RBM20: variants seen among roughly 807,000 people sequenced by gnomAD.
The protein encoded by RBM20 is RNA binding motif protein 20, also known as RNA-binding protein 20.
RBM20 carries 51 observed loss-of-function variants against 110.1 expected under a neutral mutation model. The observed-to-expected ratio is 0.46, with a 90% CI of 0.37 to 0.59. RBM20 has a LOEUF of 0.59. Among genes scored for constraint, RBM20 ranks in the 20% least tolerant of loss-of-function variants. The pLI is 0.00. For missense variants in RBM20, 1,512 were observed against 1,574.9 expected, an observed-to-expected ratio of 0.96 and a Z score of 0.68; for synonymous variants, 589 against 618.2, an observed-to-expected ratio of 0.95 and a Z score of 0.70.
intron 1 of RBM20, among the ~76,000 whole-genome samples, chr10:110,767,855 A>C (rs1306268497): frequency 6.6e-6 from 1 of 151,392 alleles, no homozygotes; most frequent in East Asian, 2.0e-4. Context: ...CTGGGCAGCC[A>C]GGCAGAGGGG....
rs1221111782 is a variant in RBM20, at chr10:110,734,656, C to T, written c.192-46145C>T. Among the ~76,000 whole-genome samples, 4 of 146,778 alleles carry T rather than the reference C, an allele frequency of 2.7e-5. No individual in the cohort carries two copies. The South Asian group carries it at 8.7e-4, about 32-fold the overall frequency. On this transcript the variant is annotated intron_variant, in intron 1 of 13. Transcript: ENST00000369519. ...TTTTTTGAGAGTGTCCTTAGTATAC[C>T]CAGACCCCCCAACCCATTGAGGTCA...
At chr10:110,800,682 A>G (rs1172272870) in intron 7 of RBM20, among the ~76,000 whole-genome samples, 3 of 152,330 alleles carry the variant, frequency 2.0e-5, no homozygotes, top group South Asian at 2.1e-4. Flanking sequence ...CCTGACTTCA[A>G]TGATAATCAT....
At chr10:110,782,936 G>C (rs1345976792) in intron 2 of RBM20, among the ~76,000 whole-genome samples, 1 of 151,994 alleles carries the variant, frequency 6.6e-6, no homozygotes, top group Non-Finnish European at 1.5e-5. Context: ...CAAGGATTTT[G>C]TCTCTCATGA....
intron 12 of RBM20, among the ~76,000 whole-genome samples, chr10:110,825,095 A>C (rs1004511435): frequency 7.9e-5 from 12 of 152,124 alleles, no homozygotes; most frequent in Non-Finnish European, 1.8e-4. Context: ...CAAGACAAAA[A>C]CATAAGAAAG....
In RBM20 at chr10:110,836,356, G is replaced by C. The variant is rs1452844593; in HGVS notation, c.*378G>C. On this transcript the variant is annotated 3_prime_UTR_variant, in exon 14 of 14. Coordinates refer to ENST00000369519, the MANE Select transcript of RBM20 (RefSeq NM_001134363.3). ...GATTTTCACAGTGTTTAAATTCTTG[G>C]TAGGATATAACAGGTCAGGCCTAGC... 3 of 159,716 alleles carry C rather than the reference G, an allele frequency of 1.9e-5. No homozygotes were observed. Among genetic ancestry groups the C allele is most frequent in the Admixed American group, 6.4e-5 (1 of 15,686 alleles). 9.9% of individuals were successfully genotyped at this position (159,716 alleles called of 1,614,324 possible).
At chr10:110,643,827 G>A (rs930273621), upstream of RBM20, among the ~76,000 whole-genome samples, 2 of 152,208 alleles carry the variant, frequency 1.3e-5, no homozygotes, top group Non-Finnish European at 2.9e-5. Flanking sequence ...GGTGCCTCAA[G>A]AGCCAGTGGC....
chr10:110,708,763 A>C (rs1862878864), intron 1 of RBM20, among the ~76,000 whole-genome samples: 1 of 152,302 alleles, frequency 6.6e-6, no homozygotes, highest in South Asian at 2.1e-4. Flanking sequence ...AAGTCTGTTC[A>C]TTGTTTCCCA....
chr10:110,797,550 A>G lies in RBM20; in HGVS notation c.1570A>G (p.Asn524Asp). The G allele has an allele frequency of 1.9e-6, 3 of 1,551,614 alleles. No individual in the cohort carries two copies. Among genetic ancestry groups the G allele is most frequent in the Non-Finnish European group, 2.6e-6 (3 of 1,146,950 alleles). The change falls in exon 6 of 14, where the codon AAT (asparagine) becomes GAT (aspartate). Residue 524 changes from asparagine to aspartate, a missense_variant. Around this residue, in one of 3 missense-constraint regions of RBM20, gnomAD observed 1,149 missense variants for 1,169.4 expected, o/e 0.98. Transcript: ENST00000369519. Reference sequence around the variant, plus strand: ...GGCTGGCCGTGTGGTGCACATCTGCAATCTCCCTGAAGGAAGCTGCACTGA... The same window carrying G: ...GGCTGGCCGTGTGGTGCACATCTGCGATCTCCCTGAAGGAAGCTGCACTGA... The part of the protein sequence containing the change: ...KGAGRVVHIC[N>D]LPEGSCTEND...
intron 1 of RBM20, among the ~76,000 whole-genome samples, chr10:110,656,109 T>C (rs1862023514): frequency 6.6e-6 from 1 of 152,142 alleles, no homozygotes; most frequent in South Asian, 2.1e-4. Context: ...GAGACCAGCC[T>C]GGCCAACATG....
At chr10:110,783,453 T>C (rs750668536) in intron 3 of RBM20, 26 bp downstream of exon 3, 68 of 1,519,816 alleles carry the variant, frequency 4.5e-5, no homozygotes, top group Non-Finnish European at 5.8e-5. Flanking sequence ...GAGGACAGGC[T>C]CATGCGTAGG....
intron 1 of RBM20, among the ~76,000 whole-genome samples, chr10:110,767,737 C>T (rs972232171): frequency 2.6e-5 from 4 of 151,978 alleles, no homozygotes; most frequent in Admixed American, 2.0e-4. Context: ...GATGGGCGGC[C>T]GGGCAGAGAC....
At chr10:110,673,580 G>T (rs1590608827) in intron 1 of RBM20, among the ~76,000 whole-genome samples, 1 of 152,148 alleles carries the variant, frequency 6.6e-6, no homozygotes, top group East Asian at 1.9e-4. Flanking sequence ...TTTATTTCCG[G>T]CCAGCCTCAC....
chr10:110,777,125 A>C (rs1844275879), intron 1 of RBM20, among the ~76,000 whole-genome samples: 1 of 152,220 alleles, frequency 6.6e-6, no homozygotes, highest in Non-Finnish European at 1.5e-5. Flanking sequence ...AGTGGGAGGC[A>C]GTGTGCTGAG....
In RBM20 at chr10:110,799,788, C is replaced by G. The variant is rs1554901109; in HGVS notation, c.1670C>G (p.Ala557Gly). The G allele has an allele frequency of 2.6e-6, 4 of 1,550,564 alleles. No homozygotes were observed. Among genetic ancestry groups the G allele is most frequent in the South Asian group, 1.2e-5 (1 of 83,832 alleles). Residue 557 changes from alanine (A) to glycine (G), a missense_variant and splice_region_variant, in exon 7 of 14, where the codon GCC becomes GGC. Physicochemically the swap from Ala to Gly is moderately conservative, Grantham distance 60. This residue lies in a region of RBM20 where 1,149 missense variants were observed against 1,169.4 expected (regional missense o/e 0.98). Transcript: ENST00000369519. ...GAGTGTCCTTCCTTTCTTTCTTAGG[C>G]CTTTTTAGAGATGGCTTACACAGAA... ...NYILMKSTNQ[A>G]FLEMAYTEAA...
At chr10:110,653,153 C>G (rs1173011816) in intron 1 of RBM20, among the ~76,000 whole-genome samples, 2 of 152,148 alleles carry the variant, frequency 1.3e-5, no homozygotes, top group African/African-American at 4.8e-5. Context: ...AAAGATGAAC[C>G]TTTTGAGATG....
At chr10:110,740,950 C>T (rs1367009959) in intron 1 of RBM20, among the ~76,000 whole-genome samples, 1 of 152,136 alleles carries the variant, frequency 6.6e-6, no homozygotes, top group Non-Finnish European at 1.5e-5. Context: ...GCTCTCATTA[C>T]CTGGGCTTCA....
intron 1 of RBM20, among the ~76,000 whole-genome samples, chr10:110,741,224 AC>A (rs1203535840): frequency 6.6e-6 from 1 of 152,174 alleles, no homozygotes; most frequent in Admixed American, 6.5e-5. Context: ...GTCAAGAAGC[AC>A]CTATGAATAA....
At chr10:110,737,193 A>AAAAAAAAAAAAAAAAAAAAAAAAAAC (rs796374212) in intron 1 of RBM20, among the ~76,000 whole-genome samples, 18 of 116,504 alleles carry the variant, frequency 1.5e-4, no homozygotes, top group African/African-American at 3.6e-4. Context: ...AAAAAAAAAA[A>AAAAAAAAAAAAAAAAAAAAAAAAAAC]AAAACACCCC....
chr10:110,750,393 G>A lies in RBM20; in HGVS notation c.192-30408G>A, dbSNP rs143858962. Among the ~76,000 whole-genome samples, 283 of 152,220 alleles carry A rather than the reference G, an allele frequency of 1.9e-3. 1 individual carries two copies. Among genetic ancestry groups the A allele is most frequent in the African/African-American group, 6.3e-3 (261 of 41,530 alleles). On this transcript the variant is annotated intron_variant, in intron 1 of 13. Coordinates refer to ENST00000369519, the MANE Select transcript of RBM20 (RefSeq NM_001134363.3). ...AGGGGCTGTGTGCTCTGGAAAACAA[G>A]AGGGTTGGACTGATTACTAGCTTAG...
Sources: allele counts gnomAD v4.1 joint callset (sites outside exome capture counted in the v4.1 genomes callset), GRCh38; gene constraint gnomAD v4.1.1; regional missense constraint gnomAD v4.1.1; transcripts MANE v1.5; gene names NCBI Gene and HGNC (gene_info 2026-07-23, HGNC 2026-07-21).